The following TTYH3 variants were observed in gnomAD, a reference collection of about 807,000 sequenced individuals.
The protein encoded by TTYH3 is protein tweety homolog 3.
TTYH3 carries 23 observed loss-of-function variants against 68.2 expected under a neutral mutation model. The observed-to-expected ratio is 0.34, with a 90% CI of 0.24 to 0.48. The LOEUF is 0.48. Ranked by LOEUF, TTYH3 falls within the 20% of genes least tolerant of loss-of-function variation. The probability of loss-of-function intolerance (pLI) is 0.99; values close to 1 mark genes in which losing one functional copy is unlikely to be tolerated. For synonymous variants in TTYH3, 360 were observed against 332.8 expected (o/e 1.08, Z -0.89); for missense variants, 768 against 727.7 (o/e 1.06, Z -0.64).
intron 7 of TTYH3, among the ~76,000 whole-genome samples, chr7:2,650,956 C>T (rs963499827): frequency 2.4e-4 from 37 of 151,408 alleles, no homozygotes; most frequent in African/African-American, 8.7e-4. Context: ...CAGGAGTTGG[C>T]GTCCCTGGTT....
intron 7 of TTYH3, among the ~76,000 whole-genome samples, chr7:2,650,397 G>A (rs977599587): frequency 6.6e-6 from 1 of 152,148 alleles, no homozygotes; most frequent in East Asian, 1.9e-4. Context: ...GGCCAACATA[G>A]CAAAACCCTG....
intron 9 of TTYH3, among the ~76,000 whole-genome samples, chr7:2,654,507 A>G (rs1169875790): frequency 6.6e-6 from 1 of 152,196 alleles, no homozygotes; most frequent in African/African-American, 2.4e-5. Context: ...GCTTTGATTT[A>G]AAGTTACTTT....
chr7:2,649,974 C>G lies in TTYH3; in HGVS notation c.857C>G (p.Ser286Trp), dbSNP rs757704779. The G allele has an allele frequency of 6.2e-7, 1 of 1,613,826 alleles. No homozygotes were observed. Among genetic ancestry groups the G allele is most frequent in the African/African-American group, 1.3e-5 (1 of 74,884 alleles). ...AYVTKMVEEYSVLSGDILQYY... is the reference protein window; with the variant it reads ...AYVTKMVEEYWVLSGDILQYY... ...GTGACCAAAATGGTGGAGGAGTACTCGGTGCTGAGTGGGGGTGAGTCTGTG... is the reference window on the plus strand; with the variant it reads ...GTGACCAAAATGGTGGAGGAGTACTGGGTGCTGAGTGGGGGTGAGTCTGTG... The change falls in exon 7 of 14, where the codon TCG becomes TGG. Residue 286 changes from serine (S) to tryptophan (W), a missense_variant. Physicochemically the swap from Ser to Trp is radical, Grantham distance 177. Coordinates refer to ENST00000258796, the MANE Select transcript of TTYH3 (RefSeq NM_025250.3).
rs1480888673 is a variant in TTYH3, at chr7:2,645,799, G to T, written c.124-1054G>T. 2.1e-6 allele frequency: 1 copy of T among 470,998 alleles called. No homozygotes were observed. 29.2% of individuals were successfully genotyped at this position (470,998 alleles called of 1,614,324 possible). A position where few individuals can be genotyped will look rare whatever the true frequency, so the allele number is the denominator to read the frequency against. On this transcript the variant is annotated intron_variant, in intron 1 of 13. Transcript: ENST00000258796. This position sits in a 1 kb window ranked among gnomAD's most constrained non-coding sequence, Gnocchi z 4.8. ...ACACTTTCATGGTCAGCAAGAGGGG[G>T]TTCAGTCCCCCACAGGCTCCCAATT...
chr7:2,635,037 G>A (rs944832916), intron 1 of TTYH3, among the ~76,000 whole-genome samples: 8 of 152,196 alleles, frequency 5.3e-5, no homozygotes, highest in African/African-American at 1.9e-4. Context: ...CAGCTCCCCA[G>A]CCAGTGACTG....
intron 7 of TTYH3, among the ~76,000 whole-genome samples, chr7:2,650,590 G>A (rs1342063705): frequency 6.6e-6 from 1 of 151,702 alleles, no homozygotes; most frequent in African/African-American, 2.4e-5. Flanking sequence ...AAAAAAAAAA[G>A]TAGAGCCAGA....
At chr7:2,649,169 G>A (rs1164066671) in intron 5 of TTYH3, among the ~76,000 whole-genome samples, 3 of 152,152 alleles carry the variant, frequency 2.0e-5, no homozygotes, top group East Asian at 1.9e-4. Context: ...GTTGCTGAGC[G>A]AGGGTTCAGC....
At chr7:2,655,485 C>T (rs960413761) in intron 9 of TTYH3, among the ~76,000 whole-genome samples, 5 of 152,310 alleles carry the variant, frequency 3.3e-5, no homozygotes, top group South Asian at 2.1e-4. Context: ...CCTTAGAAAA[C>T]GTGCCGTAAA....
intron 5 of TTYH3, among the ~76,000 whole-genome samples, chr7:2,648,819 G>A (rs1405885767): frequency 1.3e-5 from 2 of 152,086 alleles, no homozygotes; most frequent in African/African-American, 2.4e-5. Flanking sequence ...TTGAGCAGGG[G>A]CCCAAGGGAG....
At chr7:2,632,376 C>T in intron 1 of TTYH3, 98 bp downstream of exon 1, 1 of 1,245,708 alleles carries the variant, frequency 8.0e-7, no homozygotes, top group Non-Finnish European at 1.1e-6. Context: ...GCCTAAAGAC[C>T]CCTCATCCCC....
At chr7:2,647,094 G>A in intron 2 of TTYH3, 48 bp from the exon 3 acceptor site, 1 of 1,542,800 alleles carries the variant, frequency 6.5e-7, no homozygotes, top group South Asian at 1.2e-5. Flanking sequence ...CTGGAGTGGG[G>A]TGTGTGTGGG....
At chr7:2,647,073 A>AG in intron 2 of TTYH3, 51 bp downstream of exon 2, 4 of 487,546 alleles carry the variant, frequency 8.2e-6, no homozygotes, top group Non-Finnish European at 8.8e-6. Context: ...GGGCGGCCCG[A>AG]GGGGGCGGGG....
chr7:2,647,851 C>T (rs1483473635), intron 4 of TTYH3, 108 bp from the exon 5 acceptor site: 2 of 1,329,750 alleles, frequency 1.5e-6, no homozygotes, highest in African/African-American at 1.4e-5. Context: ...TCTGAATGCC[C>T]TCTGGGGTGC....
At chr7:2,647,075 G>A (rs1786009663) in intron 2 of TTYH3, 53 bp downstream of exon 2, 1 of 1,532,590 alleles carries the variant, frequency 6.5e-7, no homozygotes, top group East Asian at 2.4e-5. Flanking sequence ...GCGGCCCGAG[G>A]GGGCGGGGCT....
intron 13 of TTYH3, among the ~76,000 whole-genome samples, chr7:2,661,144 A>T (rs1422868361): frequency 1.3e-5 from 2 of 152,188 alleles, no homozygotes; most frequent in Non-Finnish European, 2.9e-5. Context: ...GTGAAGGGGC[A>T]GAGTAGCCCG....
intron 1 of TTYH3, among the ~76,000 whole-genome samples, chr7:2,646,101 G>T (rs867297840): frequency 1.3e-5 from 2 of 151,716 alleles, no homozygotes; most frequent in African/African-American, 4.8e-5. Context: ...TGCAACCTCC[G>T]CCACCCGGGT....
At chr7:2,641,098 G>A (rs895088370) in intron 1 of TTYH3, among the ~76,000 whole-genome samples, 10 of 152,136 alleles carry the variant, frequency 6.6e-5, no homozygotes, top group Admixed American at 1.3e-4. Context: ...GCCCTGCCCC[G>A]AGCCACACCC....
At chr7:2,661,397 C>T (rs1023587294) in intron 13 of TTYH3, among the ~76,000 whole-genome samples, 3 of 151,972 alleles carry the variant, frequency 2.0e-5, no homozygotes, top group African/African-American at 7.2e-5. Context: ...GCTGTGTGTA[C>T]GCCCCTCCTC....
At chr7:2,652,382 G>A (rs917898451) in intron 8 of TTYH3, 140 bp downstream of exon 8, 20 of 766,410 alleles carry the variant, frequency 2.6e-5, no homozygotes, top group Non-Finnish European at 4.2e-5. Flanking sequence ...GACAAAGGCT[G>A]TGTGGATGTC....
Sources: allele counts gnomAD v4.1 joint callset (sites outside exome capture counted in the v4.1 genomes callset), GRCh38; gene constraint gnomAD v4.1.1; non-coding constraint Gnocchi (gnomAD v3.1); transcripts MANE v1.5; gene names NCBI Gene and HGNC (gene_info 2026-07-23, HGNC 2026-07-21).